Variants in POLR2F observed in about 807,000 individuals in gnomAD.
POLR2F encodes DNA-directed RNA polymerases I, II, and III subunit RPABC2.
In POLR2F, 12 loss-of-function variants were observed where a neutral mutation model predicts 22.7. The ratio of observed to expected loss-of-function variants is 0.53; its 90% CI spans 0.34 to 0.86. The LOEUF is 0.86. POLR2F is among the 40% of genes least tolerant of loss of function. The pLI is 0.02. For synonymous variants in POLR2F, 57 were observed against 66.0 expected (o/e 0.86, Z 0.66); for missense variants, 126 against 171.5 (o/e 0.73, Z 1.48).
At chr22:38,038,465 C>T (rs905247542) in intron 5 of POLR2F, among the ~76,000 whole-genome samples, 3 of 152,088 alleles carry the variant, frequency 2.0e-5, no homozygotes, top group Non-Finnish European at 2.9e-5. Context: ...GCTCTGGACC[C>T]AGGAGCCACC....
At chr22:37,983,738 C>T, upstream of POLR2F, 2 of 1,483,268 alleles carry the variant, frequency 1.3e-6, no homozygotes, top group Non-Finnish European at 1.8e-6. This position sits in a 1 kb window ranked among gnomAD's most constrained non-coding sequence, Gnocchi z 9.5. Context: ...CTCCTCCGAG[C>T]CCACGGGGCT....
At chr22:37,975,477 T>C (rs995354631) in intron 4 of POLR2F, among the ~76,000 whole-genome samples, 2 of 151,946 alleles carry the variant, frequency 1.3e-5, no homozygotes, top group Non-Finnish European at 2.9e-5. Context: ...TCTCCTGATG[T>C]GTGTGTGTGT....
At chr22:38,025,598 TAC>T (rs2085001103) in intron 1 of POLR2F, 3 of 1,522,416 alleles carry the variant, frequency 2.0e-6, no homozygotes, top group South Asian at 1.3e-5. Context: ...GGGGCTGGAA[TAC>T]ACAGTGCTGA....
At chr22:37,967,430 G>A in intron 4 of POLR2F, 195 bp from the exon 5 acceptor site, 2 of 1,433,806 alleles carry the variant, frequency 1.4e-6, no homozygotes, top group Non-Finnish European at 1.8e-6. Flanking sequence ...CCAATATTCT[G>A]TCATTCTTCC....
chr22:38,036,138 G>C (rs1012687905), intron 5 of POLR2F, among the ~76,000 whole-genome samples: 1 of 152,028 alleles, frequency 6.6e-6, no homozygotes, highest in Non-Finnish European at 1.5e-5. Context: ...ACTGCACCTG[G>C]CTAAGTTTTT....
In POLR2F at chr22:37,967,764, C is replaced by T. The variant is rs1380023166; in HGVS notation, c.*49C>T. ...GCCCCATGCCCAATTTTCATTCTCA[C>T]TTTATATGTGTAAATAATAAAATAT... On this transcript the variant is annotated 3_prime_UTR_variant, in exon 5 of 5. Transcript: ENST00000442738. 6.3e-7 allele frequency: 1 copy of T among 1,579,858 alleles called. No individual in the cohort carries two copies. The highest frequency in any genetic ancestry group is 8.6e-7 in the Non-Finnish European group (1 of 1,164,428).
chr22:38,013,296 C>T (rs1394081075), intron 1 of POLR2F, among the ~76,000 whole-genome samples: 1 of 152,204 alleles, frequency 6.6e-6, no homozygotes, highest in Non-Finnish European at 1.5e-5. Flanking sequence ...CAGGCACATG[C>T]CACCATGCCT....
intron 5 of POLR2F, among the ~76,000 whole-genome samples, chr22:38,037,919 A>C (rs2085132248): frequency 6.6e-6 from 1 of 151,760 alleles, no homozygotes; most frequent in South Asian, 2.1e-4. Flanking sequence ...TTTTTGAATA[A>C]GTAGCCTCAG....
chr22:38,023,439 T>C (rs571121849), intron 1 of POLR2F, among the ~76,000 whole-genome samples: 397 of 152,194 alleles, frequency 2.6e-3, no homozygotes, highest in African/African-American at 8.8e-3. Context: ...CTTTTTTTTT[T>C]CCAATAAGTT....
At chr22:38,001,500 AAT>A (rs992835378) in intron 1 of POLR2F, among the ~76,000 whole-genome samples, 54 of 152,288 alleles carry the variant, frequency 3.5e-4, no homozygotes, top group African/African-American at 1.3e-3. Flanking sequence ...GGAGACAGTG[AAT>A]GCCTGACATT....
At position 37,961,922 on chromosome 22, in the gene POLR2F, A is replaced by G. The variant is rs1478032449; in HGVS notation, c.221+2446A>G. Among the ~76,000 whole-genome samples the G allele has an allele frequency of 2.0e-5, 3 of 151,956 alleles. No individual in the cohort carries two copies. The East Asian group carries it at 5.8e-4, about 29-fold the overall frequency. On this transcript the variant is annotated intron_variant, in intron 3 of 4. Transcript: ENST00000442738. ...AGCGGGGGTAGTTCAAGTAGGGAATAATGGAAATTAGCCTAGAAAGAAAAG... is the reference window on the plus strand; with the variant it reads ...AGCGGGGGTAGTTCAAGTAGGGAATGATGGAAATTAGCCTAGAAAGAAAAG...
intron 2 of POLR2F, among the ~76,000 whole-genome samples, chr22:37,958,924 C>T (rs1931511991): frequency 6.6e-6 from 1 of 152,204 alleles, no homozygotes; most frequent in South Asian, 2.1e-4. Context: ...CCACTTGGCC[C>T]ATTGGCTCAG....
rs1046270019 is a variant in POLR2F, at chr22:37,960,857, T to C, written c.221+1381T>C. On this transcript the variant is annotated intron_variant, in intron 3 of 4. Transcript: ENST00000442738. ...CGGTGCAATTTTCTTTTTTCTTTTTTTTTTTTTTTGAGATGGAGTCTCGCT... is the reference window on the plus strand; with the variant it reads ...CGGTGCAATTTTCTTTTTTCTTTTTCTTTTTTTTTGAGATGGAGTCTCGCT... 2.1e-5 allele frequency among the ~76,000 whole-genome samples: 3 copies of C among 146,056 alleles called. No individual in the cohort carries two copies. The Admixed American group carries it at 2.1e-4, about 10-fold the overall frequency.
chr22:38,040,072 GGAGA>G (rs546850337), intron 5 of POLR2F, among the ~76,000 whole-genome samples: 151 of 152,068 alleles, frequency 9.9e-4, no homozygotes, highest in Non-Finnish European at 1.8e-3. Flanking sequence ...CCAAGGAGTT[GGAGA>G]CCAGCTTGGG....
intron 3 of POLR2F, among the ~76,000 whole-genome samples, chr22:37,960,459 G>A (rs187687727): frequency 3.3e-5 from 5 of 151,918 alleles, no homozygotes; most frequent in African/African-American, 7.3e-5. Flanking sequence ...GTGCAGTGGC[G>A]CGTTCTCCGC....
intron 1 of POLR2F, among the ~76,000 whole-genome samples, chr22:38,007,855 G>A (rs1269206611): frequency 1.3e-5 from 2 of 152,248 alleles, no homozygotes; most frequent in Non-Finnish European, 2.9e-5. Context: ...ACTGAGGCCT[G>A]CGCGAGTGAG....
At position 38,031,914 on chromosome 22, in the gene POLR2F, A is replaced by C. The variant is rs1031244427; in HGVS notation, c.453-9154A>C. ...AATTTTTCCTTCCAAACACATCCGTAGTCCCCTCCCCAGCATTCTAGTCCC... is the reference window on the plus strand; with the variant it reads ...AATTTTTCCTTCCAAACACATCCGTCGTCCCCTCCCCAGCATTCTAGTCCC... On this transcript the variant is annotated intron_variant, in intron 5 of 5. Coordinates refer to the POLR2F transcript ENST00000407936. This position sits in a 1 kb window ranked among gnomAD's most constrained non-coding sequence, Gnocchi z 4.1. Among the ~76,000 whole-genome samples, 1 of 152,114 alleles carries C rather than the reference A, an allele frequency of 6.6e-6. No homozygotes were observed. Among genetic ancestry groups the C allele is most frequent in the Non-Finnish European group, 1.5e-5 (1 of 68,016 alleles).
Position 38,005,803 on chromosome 22 carries a change from GACA to G in POLR2F, c.120+19493_120+19495del, listed in dbSNP as rs1470798537. ...AGGTCAGAGATGAGTACAGAACTTA[GACA>G]AGTATAGTCTAGAAACTCCTGTAAC... On this transcript the variant is annotated intron_variant, in intron 1 of 2. Transcript: ENST00000333418. 3.9e-5 allele frequency among the ~76,000 whole-genome samples: 6 copies of G among 152,368 alleles called. No individual in the cohort carries two copies. The East Asian group carries it at 1.2e-3, about 29-fold the overall frequency.
chr22:38,037,466 G>A (rs1490067554), intron 5 of POLR2F, among the ~76,000 whole-genome samples: 1 of 144,236 alleles, frequency 6.9e-6, no homozygotes, highest in Non-Finnish European at 1.5e-5. Context: ...GTAGAGATGG[G>A]GATCTTGCTA....
Sources: gnomAD v4.1 joint callset for allele counts (sites outside exome capture counted in the v4.1 genomes callset) on GRCh38, gnomAD v4.1.1 for gene constraint, Gnocchi (gnomAD v3.1) non-coding constraint, MANE v1.5 for transcripts, NCBI Gene and HGNC (gene_info 2026-07-23, HGNC 2026-07-21) for gene names.